The following GRIA1 variants were observed in gnomAD, a reference collection of about 807,000 sequenced individuals.
GRIA1 encodes the protein glutamate receptor 1.
GRIA1 carries 31 observed loss-of-function variants against 99.2 expected under a neutral mutation model. That is an observed-to-expected ratio of 0.31 (90% CI 0.23 to 0.42). The LOEUF is 0.42. Among genes scored for constraint, GRIA1 ranks in the 10% least tolerant of loss-of-function variants. GRIA1 has a pLI of 1.00. For missense variants in GRIA1, 782 were observed against 1,157.5 expected, an observed-to-expected ratio of 0.68 and a Z score of 4.71; for synonymous variants, 438 against 432.4, an observed-to-expected ratio of 1.01 and a Z score of -0.16.
chr5:153,809,836 C>A lies in GRIA1; in HGVS notation c.2521-1189C>A, dbSNP rs573043828. ...ACAAGATGAGAGGAGCCAGCACTTACAGCAGGCTGGTGTAGTCTAGGAAGG... is the reference window on the plus strand; with the variant it reads ...ACAAGATGAGAGGAGCCAGCACTTAAAGCAGGCTGGTGTAGTCTAGGAAGG... On this transcript the variant is annotated intron_variant, in intron 15 of 15. Coordinates refer to ENST00000285900, the MANE Select transcript of GRIA1 (RefSeq NM_000827.4). 7.0e-4 allele frequency among the ~76,000 whole-genome samples: 106 copies of A among 152,310 alleles called. 2 individuals are homozygous for A. The South Asian group carries it at 0.021, about 30-fold the overall frequency.
At chr5:153,752,071 A>G (rs548231278) in intron 11 of GRIA1, among the ~76,000 whole-genome samples, 1 of 152,302 alleles carries the variant, frequency 6.6e-6, no homozygotes, top group East Asian at 1.9e-4. Context: ...ATCAATAAAT[A>G]CCATAAACAA....
intron 11 of GRIA1, among the ~76,000 whole-genome samples, chr5:153,713,147 G>C (rs1561792312): frequency 6.6e-6 from 1 of 152,230 alleles, no homozygotes; most frequent in African/African-American, 2.4e-5. Context: ...CTACCCTATA[G>C]TATGTTACAT....
intron 5 of GRIA1, among the ~76,000 whole-genome samples, chr5:153,664,761 C>T (rs1290106147): frequency 3.9e-5 from 6 of 152,140 alleles, no homozygotes; most frequent in Non-Finnish European, 8.8e-5. Context: ...TGATTTACTA[C>T]AATATTTCTT....
chr5:153,727,780 A>C (rs906929764), intron 11 of GRIA1, among the ~76,000 whole-genome samples: 6 of 152,140 alleles, frequency 3.9e-5, no homozygotes, highest in African/African-American at 1.4e-4. Context: ...GGTAGGAAGA[A>C]TCAATATCGT....
chr5:153,547,903 G>T (rs979147964), intron 2 of GRIA1, among the ~76,000 whole-genome samples: 2 of 152,064 alleles, frequency 1.3e-5, no homozygotes, highest in Non-Finnish European at 2.9e-5. Context: ...GTATAGAGGG[G>T]CTATACTAGG....
chr5:153,560,773 G>A (rs1458363247), intron 2 of GRIA1, among the ~76,000 whole-genome samples: 1 of 152,146 alleles, frequency 6.6e-6, no homozygotes, highest in South Asian at 2.1e-4. Flanking sequence ...ATAAGCTATG[G>A]GCCTTTGGTT....
At chr5:153,495,787 T>G (rs374331300) in intron 2 of GRIA1, among the ~76,000 whole-genome samples, 15 of 152,342 alleles carry the variant, frequency 9.8e-5, no homozygotes, top group African/African-American at 3.6e-4. Flanking sequence ...GAGTAGCTAT[T>G]TTGCTATTAG....
intron 11 of GRIA1, among the ~76,000 whole-genome samples, chr5:153,741,692 T>G (rs1761799707): frequency 6.6e-6 from 1 of 152,158 alleles, no homozygotes; most frequent in Non-Finnish European, 1.5e-5. Context: ...ATATGAGATA[T>G]CTACAATAGT....
At chr5:153,514,903 A>G (rs116163250) in intron 2 of GRIA1, among the ~76,000 whole-genome samples, 227 of 152,308 alleles carry the variant, frequency 1.5e-3, no homozygotes, top group African/African-American at 5.2e-3. Flanking sequence ...AAACCACAGC[A>G]TAATATCACC....
At chr5:153,789,451 A>T (rs1269595147) in intron 13 of GRIA1, among the ~76,000 whole-genome samples, 1 of 152,040 alleles carries the variant, frequency 6.6e-6, no homozygotes, top group Non-Finnish European at 1.5e-5. Context: ...TTTCCAAGTC[A>T]TTTTATCTAG....
chr5:153,528,785 C>T (rs575267447), intron 2 of GRIA1, among the ~76,000 whole-genome samples: 78 of 152,258 alleles, frequency 5.1e-4, no homozygotes, highest in African/African-American at 1.9e-3. Flanking sequence ...CTCCTATATG[C>T]CTTCTTCTCT....
intron 15 of GRIA1, among the ~76,000 whole-genome samples, chr5:153,808,484 T>C (rs921963594): frequency 2.6e-5 from 4 of 152,282 alleles, no homozygotes; most frequent in African/African-American, 9.6e-5. Context: ...AAGTCAGTCA[T>C]TGTCATCAGG....
chr5:153,710,276 G>A (rs926591228), intron 11 of GRIA1, among the ~76,000 whole-genome samples: 3 of 151,304 alleles, frequency 2.0e-5, no homozygotes, highest in African/African-American at 7.3e-5. Context: ...CAGCTGGAGT[G>A]TAGTGGTGCA....
rs561369159 is a variant in GRIA1, at chr5:153,562,802, G to C, written c.220+68737G>C. Reference sequence around the variant, plus strand: ...TCATTATTGGACACACATATGACTAGGACTTTTGTTACTTTCATACTTCTC... The same window carrying C: ...TCATTATTGGACACACATATGACTACGACTTTTGTTACTTTCATACTTCTC... On this transcript the variant is annotated intron_variant, in intron 2 of 15. Transcript: ENST00000285900. Among the ~76,000 whole-genome samples the C allele has an allele frequency of 8.5e-5, 13 of 152,272 alleles. No individual in the cohort carries two copies. In the East Asian group the frequency reaches 2.5e-3, roughly 29 times the overall value.
intron 2 of GRIA1, among the ~76,000 whole-genome samples, chr5:153,636,649 G>A (rs1467618141): frequency 6.6e-6 from 1 of 152,226 alleles, no homozygotes; most frequent in Non-Finnish European, 1.5e-5. Flanking sequence ...GAATGCCTGT[G>A]TTTGGATTCT....
chr5:153,705,690 T>TAAG lies in GRIA1; in HGVS notation c.1453-7_1453-6insAAG. On this transcript the variant is annotated splice_polypyrimidine_tract_variant and splice_region_variant and intron_variant, in intron 10 of 15. Coordinates refer to ENST00000285900, the MANE Select transcript of GRIA1 (RefSeq NM_000827.4). ...TTTTTTTTTTTTTTTTTTTTTTTTT[T>TAAG]TTTCAGAGAGCAGATGTGGCTGTGG... 1 of 1,283,634 alleles carries TAAG rather than the reference T, an allele frequency of 7.8e-7. No homozygotes were observed. The highest frequency in any genetic ancestry group is 9.9e-7 in the Non-Finnish European group (1 of 1,010,272). 79.5% of individuals were successfully genotyped at this position (1,283,634 alleles called of 1,614,324 possible).
At chr5:153,506,920 C>T (rs904539210) in intron 2 of GRIA1, among the ~76,000 whole-genome samples, 2 of 152,112 alleles carry the variant, frequency 1.3e-5, no homozygotes, top group East Asian at 3.9e-4. Context: ...GCCAGGAGTT[C>T]GAGATCAGTC....
At chr5:153,594,459 C>A (rs1764249404) in intron 2 of GRIA1, among the ~76,000 whole-genome samples, 3 of 152,090 alleles carry the variant, frequency 2.0e-5, no homozygotes, top group Admixed American at 6.5e-5. Flanking sequence ...ACTGCATTAA[C>A]TTCCTAGAGT....
intron 2 of GRIA1, among the ~76,000 whole-genome samples, chr5:153,503,875 G>A (rs939849531): frequency 1.3e-5 from 2 of 152,180 alleles, no homozygotes; most frequent in Admixed American, 1.3e-4. Flanking sequence ...CTTGATTGAT[G>A]TCATCAGGAC....
Sources: allele counts gnomAD v4.1 joint callset (sites outside exome capture counted in the v4.1 genomes callset), GRCh38; gene constraint gnomAD v4.1.1; transcripts MANE v1.5; gene names NCBI Gene and HGNC (gene_info 2026-07-23, HGNC 2026-07-21).